STPG1: variants seen among roughly 807,000 people sequenced by gnomAD.
STPG1 encodes sperm tail PG-rich repeat containing 1, also known as O(6)-methylguanine-induced apoptosis 2.
STPG1 carries 33 observed loss-of-function variants against 40.1 expected under a neutral mutation model. The observed-to-expected ratio is 0.82, with a 90% confidence interval of 0.62 to 1.10. The LOEUF is 1.10. Ranked by LOEUF, STPG1 falls within the 50% of genes least tolerant of loss-of-function variation. The pLI is 0.00. For missense variants in STPG1, 396 were observed against 415.1 expected, an observed-to-expected ratio of 0.95 and a Z score of 0.40; for synonymous variants, 150 against 155.0, an observed-to-expected ratio of 0.97 and a Z score of 0.24.
chr1:24,373,488 T>C (rs1308648821), intron 6 of STPG1, among the ~76,000 whole-genome samples: 2 of 152,192 alleles, frequency 1.3e-5, no homozygotes, highest in African/African-American at 4.8e-5. Flanking sequence ...GGAAGCTGCT[T>C]TGGAGGCCCA....
At chr1:24,373,861 C>T in intron 5 of STPG1, 51 bp from the exon 6 acceptor site, 1 of 1,339,646 alleles carries the variant, frequency 7.5e-7, no homozygotes, top group Non-Finnish European at 1.1e-6. Context: ...CTTTCTTTGT[C>T]TTCGTCATCA....
chr1:24,377,342 C>T (rs1324572585), intron 5 of STPG1, among the ~76,000 whole-genome samples: 1 of 152,170 alleles, frequency 6.6e-6, no homozygotes, highest in Admixed American at 6.5e-5. Flanking sequence ...TGAACTTCCT[C>T]CTGGGATCTT....
chr1:24,383,483 G>C (rs1266107071), intron 4 of STPG1, among the ~76,000 whole-genome samples: 1 of 152,190 alleles, frequency 6.6e-6, no homozygotes, highest in Non-Finnish European at 1.5e-5. Flanking sequence ...CAGGCCCACT[G>C]CCGGCTTTCT....
chr1:24,364,455 C>T, intron 7 of STPG1: 2 of 1,431,006 alleles, frequency 1.4e-6, no homozygotes, highest in Non-Finnish European at 1.8e-6. Context: ...CCCCTGAATA[C>T]ATTCTGGCTA....
intron 1 of STPG1, among the ~76,000 whole-genome samples, chr1:24,409,678 C>CT (rs1275979419): frequency 6.6e-6 from 1 of 152,194 alleles, no homozygotes; most frequent in African/African-American, 2.4e-5. Flanking sequence ...CTCCTATCGT[C>CT]TGACTCCACC....
intron 5 of STPG1, among the ~76,000 whole-genome samples, chr1:24,374,311 T>C (rs1641915386): frequency 9.1e-6 from 1 of 110,190 alleles, no homozygotes; most frequent in African/African-American, 3.6e-5. Flanking sequence ...CAGGCTGGAG[T>C]GCAGTGGCGA....
chr1:24,373,720 C>T lies in STPG1; in HGVS notation c.553G>A (p.Asp185Asn). 1 of 1,611,302 alleles carries T rather than the reference C, an allele frequency of 6.2e-7. No homozygotes were observed. Among genetic ancestry groups the T allele is most frequent in the Non-Finnish European group, 8.5e-7 (1 of 1,177,550 alleles). Residue 185 changes from aspartate (D) to asparagine (N), a missense_variant, in exon 6 of 9, where the codon GAT becomes AAT. Asp to Asn is a conservative substitution (Grantham distance 23). Transcript: ENST00000337248. The stretch of plus-strand genomic sequence containing the variant: ...TGCTTACCTGGGGGAGGTCCTTTAT[C>T]AGCAAAAGCGAAAGATCCTCTTTGG... The part of the protein sequence containing the change: ...KTQRGSFAFA[D>N]KGPPPGHYDI...
Position 24,379,700 on chromosome 1 carries a change from A to G in STPG1, c.415T>C (p.Phe139Leu). 2 of 1,614,232 alleles carry G rather than the reference A, an allele frequency of 1.2e-6. No homozygotes were observed. The highest frequency in any genetic ancestry group is 1.7e-6 in the Non-Finnish European group (2 of 1,180,036). Residue 139 changes from phenylalanine (F) to leucine (L), a missense_variant, in exon 5 of 9, where the codon TTT becomes CTT. Physicochemically the swap from Phe to Leu is conservative, Grantham distance 22. Coordinates refer to ENST00000337248, the MANE Select transcript of STPG1 (RefSeq NM_001199013.2). ...SCSSMFQLPS[F>L]MKALKFETPA... is the part of the protein sequence containing the mutation. ...GTTTCAAACTTGAGAGCTTTCATAA[A>G]GCTTGGCAACTGGAACATGCTGGAA...
intron 1 of STPG1, among the ~76,000 whole-genome samples, chr1:24,407,029 A>C (rs1248836510): frequency 1.3e-5 from 2 of 152,126 alleles, no homozygotes; most frequent in Non-Finnish European, 2.9e-5. Flanking sequence ...GTACTTCCCC[A>C]GTATTTCCTA....
intron 1 of STPG1, among the ~76,000 whole-genome samples, chr1:24,409,567 C>T (rs1200212005): frequency 1.3e-5 from 2 of 152,172 alleles, no homozygotes; most frequent in African/African-American, 4.8e-5. Flanking sequence ...GTTTCAGTTA[C>T]CCATGGTCAA....
rs74060315 is a variant in STPG1 at position 24,360,708 on chromosome 1, A to C, written c.928+143T>G. 566 of 729,046 alleles carry C rather than the reference A, an allele frequency of 7.8e-4. 1 individual carries two copies. In the African/African-American group the frequency reaches 8.5e-3, roughly 11 times the overall value. 45.2% of individuals were successfully genotyped at this position (729,046 alleles called of 1,614,324 possible). ...AACATTTTTGTACTGTGAAAATGTG[A>C]ACTGATAATGCTTCCAAATCTACCC... On this transcript the variant is annotated intron_variant, in intron 8 of 8. Transcript: ENST00000337248.
chr1:24,368,054 G>A (rs1258281775), intron 7 of STPG1, among the ~76,000 whole-genome samples: 12 of 152,156 alleles, frequency 7.9e-5, no homozygotes, highest in South Asian at 4.2e-4. Context: ...GCCTGGAGGC[G>A]GGAGGTCTCT....
intron 1 of STPG1, among the ~76,000 whole-genome samples, chr1:24,412,490 T>TA (rs1643735920): frequency 6.7e-6 from 1 of 149,008 alleles, no homozygotes; most frequent in African/African-American, 2.5e-5. Flanking sequence ...TGTATGTTTA[T>TA]TACTTTATTT....
At chr1:24,412,745 T>C (rs57671985) in intron 1 of STPG1, among the ~76,000 whole-genome samples, 4,351 of 152,236 alleles carry the variant, frequency 0.029, 197 homozygotes, top group African/African-American at 0.099. Flanking sequence ...ATTTTCTTCA[T>C]AAATATTGGT....
At chr1:24,368,383 C>T (rs1641570526) in intron 7 of STPG1, among the ~76,000 whole-genome samples, 1 of 152,194 alleles carries the variant, frequency 6.6e-6, no homozygotes, top group African/African-American at 2.4e-5. Flanking sequence ...CCTGCCTGAT[C>T]TCTCTGGAGG....
At chr1:24,361,884 C>T (rs1435792451) in intron 7 of STPG1, among the ~76,000 whole-genome samples, 1 of 152,168 alleles carries the variant, frequency 6.6e-6, no homozygotes, top group African/African-American at 2.4e-5. Flanking sequence ...CCTCTGAGGT[C>T]CCTTCCTGCT....
intron 5 of STPG1, among the ~76,000 whole-genome samples, chr1:24,374,236 A>G (rs939839497): frequency 1.4e-5 from 2 of 139,558 alleles, no homozygotes; most frequent in Admixed American, 7.2e-5. Flanking sequence ...GATCACCGCT[A>G]GGAAAGTGTT....
chr1:24,375,211 T>C (rs1015394522), intron 5 of STPG1, among the ~76,000 whole-genome samples: 1 of 152,318 alleles, frequency 6.6e-6, no homozygotes, highest in South Asian at 2.1e-4. Context: ...CTGAGATCAT[T>C]CTTCTGTTAC....
At chr1:24,377,058 A>G (rs531669883) in intron 5 of STPG1, among the ~76,000 whole-genome samples, 1 of 151,772 alleles carries the variant, frequency 6.6e-6, no homozygotes, top group East Asian at 1.9e-4. Flanking sequence ...CAGGAGTTTG[A>G]GACAAGCCTG....
Sources: allele counts gnomAD v4.1 joint callset (sites outside exome capture counted in the v4.1 genomes callset), GRCh38; gene constraint gnomAD v4.1.1; transcripts MANE v1.5; gene names NCBI Gene and HGNC (gene_info 2026-07-23, HGNC 2026-07-21).